KCNB2: variants seen among roughly 807,000 people sequenced by gnomAD.
The protein encoded by KCNB2 is potassium voltage-gated channel subfamily B member 2.
In KCNB2, 15 loss-of-function variants were observed where a neutral mutation model predicts 61.5. The ratio of observed to expected loss-of-function variants is 0.24; its 90% CI spans 0.16 to 0.38. The LOEUF (loss-of-function observed/expected upper bound fraction) is 0.38, where lower values mean the gene tolerates loss of function less well. Among genes scored for constraint, KCNB2 ranks in the 10% least tolerant of loss-of-function variants. The pLI, the probability that KCNB2 is intolerant of heterozygous loss-of-function variation, is 1.00. For missense variants in KCNB2, 828 were observed against 1,125.2 expected, an observed-to-expected ratio of 0.74 and a Z score of 3.78; for synonymous variants, 457 against 446.0, an observed-to-expected ratio of 1.02 and a Z score of -0.31.
At position 72,808,644 on chromosome 8, in the gene KCNB2, G is replaced by A. The variant is rs187310739; in HGVS notation, c.580-127291G>A. On this transcript the variant is annotated intron_variant, in intron 2 of 2. Coordinates refer to ENST00000523207, the MANE Select transcript of KCNB2 (RefSeq NM_004770.3). ...GCCATGAAGCTTTTAGTGTCTTTGC[G>A]GACATTTTTCTAATACCATTGAGGA... is the stretch of plus-strand genomic sequence containing the variant. Among the ~76,000 whole-genome samples, 233 of 152,172 alleles carry A rather than the reference G, an allele frequency of 1.5e-3. 1 individual carries two copies. Among genetic ancestry groups the A allele is most frequent in the Non-Finnish European group, 2.5e-3 (167 of 68,004 alleles).
intron 2 of KCNB2, among the ~76,000 whole-genome samples, chr8:72,744,377 C>T (rs970456433): frequency 1.3e-5 from 2 of 152,104 alleles, no homozygotes; most frequent in Admixed American, 6.5e-5. Context: ...ACCATTCATC[C>T]AGTAATAACT....
Position 72,537,439 on chromosome 8 carries a change from T to A in KCNB2, c.-540T>A, listed in dbSNP as rs1043881338. The A allele has an allele frequency of 1.8e-4, 28 of 152,428 alleles. No homozygotes were observed. The highest frequency in any genetic ancestry group is 6.0e-4 in the African/African-American group (25 of 41,434). The allele number at this position is 152,428 out of a possible 1,614,324, so 9.4% of individuals were successfully genotyped here. A position where few individuals can be genotyped will look rare whatever the true frequency, so the allele number is the denominator to read the frequency against. ...CCCCAGCGAGCGGCAACTCCCGGGC[T>A]GGCGCGGCTCGCTTTCTGGCTCCTT... On this transcript the variant is annotated 5_prime_UTR_variant, in exon 1 of 3. Transcript: ENST00000523207.
At chr8:72,675,712 C>T (rs1049814982) in intron 2 of KCNB2, among the ~76,000 whole-genome samples, 1 of 152,052 alleles carries the variant, frequency 6.6e-6, no homozygotes, top group Non-Finnish European at 1.5e-5. Context: ...AACCTCCACA[C>T]TCGGCTGATT....
At chr8:72,568,399 T>C (rs1806660999) in intron 2 of KCNB2, 86 bp downstream of exon 2, 1 of 1,173,422 alleles carries the variant, frequency 8.5e-7, no homozygotes, top group African/African-American at 1.5e-5. Flanking sequence ...TTTTACTGTT[T>C]TGGTAACACA....
At chr8:72,838,244 C>T (rs1809817226) in intron 2 of KCNB2, among the ~76,000 whole-genome samples, 1 of 152,152 alleles carries the variant, frequency 6.6e-6, no homozygotes, top group Non-Finnish European at 1.5e-5. Flanking sequence ...AGGTATTTCT[C>T]CTAATGCTAT....
intron 2 of KCNB2, among the ~76,000 whole-genome samples, chr8:72,667,151 G>A (rs1294437814): frequency 6.6e-6 from 1 of 152,148 alleles, no homozygotes; most frequent in East Asian, 1.9e-4. Context: ...ATAAGCACCT[G>A]GCAGAGTCTT....
At chr8:72,804,122 A>T (rs969627234) in intron 2 of KCNB2, among the ~76,000 whole-genome samples, 8 of 152,202 alleles carry the variant, frequency 5.3e-5, no homozygotes, top group African/African-American at 1.9e-4. Flanking sequence ...GTGGGAAGCA[A>T]TCAAAGGACT....
intron 2 of KCNB2, among the ~76,000 whole-genome samples, chr8:72,772,009 T>C (rs1443186452): frequency 1.3e-5 from 2 of 151,368 alleles, no homozygotes; most frequent in East Asian, 3.9e-4. Context: ...GCTGAAGGAG[T>C]CAGGAAGAAA....
chr8:72,802,284 G>A (rs998009210), intron 2 of KCNB2, among the ~76,000 whole-genome samples: 4 of 152,142 alleles, frequency 2.6e-5, no homozygotes, highest in Admixed American at 1.3e-4. Flanking sequence ...ATGGATAGAC[G>A]TGGCATTAAT....
At chr8:72,751,563 T>C (rs1485590488) in intron 2 of KCNB2, 1 of 152,126 alleles carries the variant, frequency 6.6e-6, no homozygotes, top group Non-Finnish European at 1.5e-5. Context: ...TATGCTAAGG[T>C]AAAGACCTGG....
chr8:72,799,785 A>G (rs1585900299), intron 2 of KCNB2, among the ~76,000 whole-genome samples: 1 of 152,246 alleles, frequency 6.6e-6, no homozygotes, highest in African/African-American at 2.4e-5. Flanking sequence ...TAATTGAAGG[A>G]GAAATTTGAT....
At chr8:72,892,064 C>T (rs1294292926) in intron 2 of KCNB2, among the ~76,000 whole-genome samples, 2 of 152,150 alleles carry the variant, frequency 1.3e-5, no homozygotes, top group Non-Finnish European at 2.9e-5. Flanking sequence ...ATTGTTTCAA[C>T]ACCCTCAGTT....
intron 1 of KCNB2, among the ~76,000 whole-genome samples, chr8:72,552,057 C>A (rs1216896763): frequency 1.3e-5 from 2 of 152,232 alleles, no homozygotes; most frequent in East Asian, 3.9e-4. Flanking sequence ...GCACTATTTA[C>A]ACTCATGAAC....
intron 2 of KCNB2, among the ~76,000 whole-genome samples, chr8:72,655,377 T>A (rs1806274979): frequency 6.6e-6 from 1 of 152,048 alleles, no homozygotes; most frequent in South Asian, 2.1e-4. Flanking sequence ...TGAAATAACC[T>A]GTACACCAGA....
At chr8:72,825,068 C>T (rs1809574264) in intron 2 of KCNB2, among the ~76,000 whole-genome samples, 1 of 152,234 alleles carries the variant, frequency 6.6e-6, no homozygotes, top group African/African-American at 2.4e-5. Context: ...TCTCTCTTCT[C>T]CCAGCCCCTG....
rs199899197 is a variant in KCNB2, at chr8:72,915,763, C to CA, written c.580-20166dup. ...TGAAACCCCGTCTCTCTTAAAAATACAAAAAATTAGCCAGGAATGGTGGTG... is the reference window on the plus strand; with the variant it reads ...TGAAACCCCGTCTCTCTTAAAAATACAAAAAAATTAGCCAGGAATGGTGGTG... On this transcript the variant is annotated intron_variant, in intron 2 of 2. Transcript: ENST00000523207. Among the ~76,000 whole-genome samples the CA allele has an allele frequency of 5.8e-3, 881 of 152,050 alleles. 10 individuals carry two copies. Among genetic ancestry groups the CA allele is most frequent in the African/African-American group, 0.02 (849 of 41,486 alleles).
intron 2 of KCNB2, chr8:72,750,197 C>G (rs972888575): frequency 1.3e-5 from 2 of 152,064 alleles, no homozygotes; most frequent in Non-Finnish European, 2.9e-5. Context: ...AAATATTTAT[C>G]TATTTTGTTA....
intron 2 of KCNB2, among the ~76,000 whole-genome samples, chr8:72,831,539 A>C (rs1054121831): frequency 3.9e-5 from 6 of 152,392 alleles, no homozygotes; most frequent in African/African-American, 1.4e-4. Context: ...TGATTCAAAC[A>C]GTGGACACGG....
chr8:72,746,315 A>G (rs1009405909), intron 2 of KCNB2, among the ~76,000 whole-genome samples: 3 of 134,890 alleles, frequency 2.2e-5, no homozygotes, highest in Non-Finnish European at 4.6e-5. Context: ...TGAGCAGATG[A>G]CATCAATATT....
Sources: allele counts gnomAD v4.1 joint callset (sites outside exome capture counted in the v4.1 genomes callset), GRCh38; gene constraint gnomAD v4.1.1; transcripts MANE v1.5; gene names NCBI Gene and HGNC (gene_info 2026-07-23, HGNC 2026-07-21).